CES5A: variants seen among roughly 807,000 people sequenced by gnomAD.
CES5A encodes the protein carboxylesterase 5A.
A neutral mutation model predicts 62.9 loss-of-function variants in CES5A; 67 were observed. That is an observed-to-expected ratio of 1.07 (90% CI 0.88 to 1.31). CES5A has a LOEUF of 1.31. Ranked by LOEUF, CES5A falls within the 50% of genes most tolerant of loss-of-function variation. CES5A has a pLI of 0.00. For missense variants in CES5A, 748 were observed against 708.5 expected (o/e 1.06, Z -0.63); for synonymous variants, 296 against 280.8 (o/e 1.05, Z -0.54).
intron 12 of CES5A, 41 bp from the exon 13 acceptor site, chr16:55,846,723 C>T (rs752044193): frequency 6.2e-7 from 1 of 1,613,292 alleles, no homozygotes; most frequent in Non-Finnish European, 8.5e-7. Flanking sequence ...TTTTCCTCCT[C>T]ACACCCCAGG....
At chr16:55,922,322 C>A (rs192929302) in intron 1 of CES5A, among the ~76,000 whole-genome samples, 34 of 151,950 alleles carry the variant, frequency 2.2e-4, no homozygotes, top group Non-Finnish European at 4.7e-4. Flanking sequence ...TATAAAGACA[C>A]AGAGACTGAA....
At chr16:55,912,291 AC>A (rs2034101452) in intron 1 of CES5A, among the ~76,000 whole-genome samples, 2 of 152,230 alleles carry the variant, frequency 1.3e-5, no homozygotes, top group Non-Finnish European at 2.9e-5. Flanking sequence ...GGCTAAAAAT[AC>A]ATTCCGACGA....
intron 1 of CES5A, among the ~76,000 whole-genome samples, chr16:55,919,969 C>G (rs7192869): frequency 0.22 from 34,092 of 152,152 alleles, 5,050 homozygotes; most frequent in Non-Finnish European, 0.33. Flanking sequence ...TTAAGAATGC[C>G]TGAGTCTTCC....
chr16:55,941,943 A>C (rs2034450646), intron 2 of CES5A, among the ~76,000 whole-genome samples: 1 of 152,180 alleles, frequency 6.6e-6, no homozygotes, highest in Admixed American at 6.5e-5. Flanking sequence ...AGACCTTTTA[A>C]TTGAAAAATA....
chr16:55,903,121 G>A (rs1783514800), intron 1 of CES5A, among the ~76,000 whole-genome samples: 3 of 147,078 alleles, frequency 2.0e-5, no homozygotes, highest in Non-Finnish European at 4.5e-5. Flanking sequence ...AGTCTAAAGG[G>A]ATGCAGAGAA....
chr16:55,853,477 T>C (rs1274231206), intron 9 of CES5A, among the ~76,000 whole-genome samples: 23 of 152,242 alleles, frequency 1.5e-4, no homozygotes, highest in Admixed American at 3.9e-4. Flanking sequence ...AGGTCCTCTG[T>C]GACTACACGG....
chr16:55,905,967 G>A (rs2034037068), intron 1 of CES5A, among the ~76,000 whole-genome samples: 1 of 152,116 alleles, frequency 6.6e-6, no homozygotes, highest in South Asian at 2.1e-4. Flanking sequence ...CTCCCAGGAA[G>A]TATTACTGTC....
At chr16:55,923,005 A>G (rs1467952125) in intron 1 of CES5A, among the ~76,000 whole-genome samples, 1 of 151,892 alleles carries the variant, frequency 6.6e-6, no homozygotes, top group African/African-American at 2.4e-5. Flanking sequence ...AAATGAAAAT[A>G]CAACATAACT....
chr16:55,937,977 A>G (rs1363553450), intron 2 of CES5A, among the ~76,000 whole-genome samples: 5 of 152,174 alleles, frequency 3.3e-5, no homozygotes, highest in African/African-American at 7.2e-5. Flanking sequence ...GCCAAATACT[A>G]TAGAGAAATA....
chr16:55,901,721 CG>C (rs2033992406), intron 1 of CES5A, among the ~76,000 whole-genome samples: 1 of 152,190 alleles, frequency 6.6e-6, no homozygotes, highest in East Asian at 1.9e-4. Flanking sequence ...TTCCCCCTGA[CG>C]GTTTCCATGG....
intron 2 of CES5A, among the ~76,000 whole-genome samples, chr16:55,947,110 C>T (rs1277589778): frequency 1.3e-5 from 2 of 152,182 alleles, no homozygotes; most frequent in Non-Finnish European, 2.9e-5. Flanking sequence ...TGGGATGACA[C>T]CTGGGAGGGA....
intron 4 of CES5A, 24 bp from the exon 5 acceptor site, chr16:55,866,140 A>T (rs772977752): frequency 1.9e-6 from 3 of 1,598,476 alleles, no homozygotes; most frequent in Non-Finnish European, 2.6e-6. Flanking sequence ...GCAGGGTGAG[A>T]ATTCTTGGTC....
intron 6 of CES5A, among the ~76,000 whole-genome samples, chr16:55,861,823 C>G (rs755004210): frequency 6.6e-6 from 1 of 152,140 alleles, no homozygotes; most frequent in African/African-American, 2.4e-5. Context: ...AGAGATCAGT[C>G]CTGTGAGCTT....
At position 55,875,326 on chromosome 16, in the gene CES5A, T is replaced by C. The variant is rs1040060525; in HGVS notation, c.-105A>G. ...TTCCTGTTAACAGGCAAATGCTGAATAGGCAGGCAGAGGCAGCAGAGTTAC... is the reference window on the plus strand; with the variant it reads ...TTCCTGTTAACAGGCAAATGCTGAACAGGCAGGCAGAGGCAGCAGAGTTAC... On this transcript the variant is annotated 5_prime_UTR_variant, in exon 1 of 13. Transcript: ENST00000290567. 7.2e-6 allele frequency: 11 copies of C among 1,533,374 alleles called. No homozygotes were observed. The highest frequency in any genetic ancestry group is 6.9e-5 in the East Asian group (3 of 43,546). The allele number at this position is 1,533,374 out of a possible 1,614,324, so 95.0% of individuals were successfully genotyped here. A position where few individuals can be genotyped will look rare whatever the true frequency, so the allele number is the denominator to read the frequency against.
At chr16:55,924,349 T>C (rs1328242684) in intron 1 of CES5A, among the ~76,000 whole-genome samples, 1 of 151,884 alleles carries the variant, frequency 6.6e-6, no homozygotes, top group South Asian at 2.1e-4. Context: ...AAATACCTAG[T>C]AATCAATTTA....
intron 2 of CES5A, among the ~76,000 whole-genome samples, chr16:55,932,936 C>T (rs2034329840): frequency 2.0e-5 from 3 of 152,124 alleles, no homozygotes; most frequent in Admixed American, 1.3e-4. Context: ...CAAAATTTGG[C>T]AATGATGATG....
intron 1 of CES5A, among the ~76,000 whole-genome samples, chr16:55,874,724 A>G (rs905574810): frequency 6.6e-6 from 1 of 152,188 alleles, no homozygotes; most frequent in East Asian, 1.9e-4. Context: ...GGTCTCAGTC[A>G]CCACACAGAA....
At chr16:55,860,055 T>C (rs1372757371) in intron 7 of CES5A, among the ~76,000 whole-genome samples, 9 of 152,132 alleles carry the variant, frequency 5.9e-5, no homozygotes, top group African/African-American at 2.2e-4. Context: ...TGAGAGGTAA[T>C]TGAATCATGG....
chr16:55,891,929 G>A (rs1227512619), intron 1 of CES5A, among the ~76,000 whole-genome samples: 1 of 152,148 alleles, frequency 6.6e-6, no homozygotes, highest in Non-Finnish European at 1.5e-5. Context: ...TTTTGAAATG[G>A]CCCTGCAAAG....
Sources: allele counts gnomAD v4.1 joint callset (sites outside exome capture counted in the v4.1 genomes callset), GRCh38; gene constraint gnomAD v4.1.1; transcripts MANE v1.5; gene names NCBI Gene and HGNC (gene_info 2026-07-23, HGNC 2026-07-21).